POTEF: variants seen among roughly 807,000 people sequenced by gnomAD.
POTEF encodes the protein ANKRD26-like family C member 1B.
In POTEF, 20 loss-of-function variants were observed where a neutral mutation model predicts 83.2. The ratio of observed to expected loss-of-function variants is 0.24; its 90% CI spans 0.17 to 0.35. The LOEUF is 0.35. Ranked by LOEUF, POTEF falls within the 10% of genes least tolerant of loss-of-function variation. The probability of loss-of-function intolerance (pLI) is 1.00; values close to 1 mark genes in which losing one functional copy is unlikely to be tolerated. For synonymous variants in POTEF, 196 were observed against 446.4 expected (o/e 0.44, Z 7.07); for missense variants, 550 against 1,203.2 (o/e 0.46, Z 8.03).
Position 130,075,243 on chromosome 2 carries a change from CATGCCCTGCTGCCTGGGGCGCCCCACG to C in POTEF, c.2202_2228del (p.Ile734_Gly742del). On this transcript the variant is annotated inframe_deletion, in exon 17 of 17. Coordinates refer to ENST00000409914, the MANE Select transcript of POTEF (RefSeq NM_001099771.2). ...ACTCTTTCTGATGCATGCCCCCCAT[CATGCCCTGCTGCCTGGGGCGCCCCACG>C]ATGGAAGGGAAGACAGCCCGGGGGG... The C allele has an allele frequency of 6.2e-7, 1 of 1,612,550 alleles. No homozygotes were observed. The highest frequency in any genetic ancestry group is 8.5e-7 in the Non-Finnish European group (1 of 1,179,952).
chr2:130,119,165 CTTTT>C (rs771733018), intron 3 of POTEF, among the ~76,000 whole-genome samples: 2 of 139,016 alleles, frequency 1.4e-5, no homozygotes, highest in South Asian at 2.3e-4. Flanking sequence ...AAGCTCCCAT[CTTTT>C]TTTTTTTTTT....
intron 3 of POTEF, among the ~76,000 whole-genome samples, chr2:130,117,935 CTTTTTTTTTTCTT>C (rs1684883948): frequency 2.2e-5 from 1 of 45,088 alleles, no homozygotes. Flanking sequence ...TATTTCATTC[CTTTTTTTTTTCTT>C]TTTTTTTTTT....
intron 8 of POTEF, among the ~76,000 whole-genome samples, chr2:130,103,882 G>A (rs1203703878): frequency 7.0e-6 from 1 of 141,886 alleles, no homozygotes; most frequent in Non-Finnish European, 1.5e-5. Context: ...GGCATTGCCA[G>A]CAGCTCAGTA....
In POTEF at chr2:130,108,909, T is replaced by C. The variant is rs562731198; in HGVS notation, c.1056-830A>G. Among the ~76,000 whole-genome samples, 17 of 151,280 alleles carry C rather than the reference T, an allele frequency of 1.1e-4. 2 individuals are homozygous for C. Among genetic ancestry groups the C allele is most frequent in the African/African-American group, 4.2e-4 (17 of 40,824 alleles). ...ATGTCTGTTAGGATAATGCTTTATA[T>C]TGATGTTCAATTCCAGCTGACATGG... On this transcript the variant is annotated intron_variant, in intron 7 of 16. Coordinates refer to ENST00000409914, the MANE Select transcript of POTEF (RefSeq NM_001099771.2).
chr2:130,109,480 T>A (rs2104813608), intron 7 of POTEF: 1 of 148,900 alleles, frequency 6.7e-6, no homozygotes, highest in South Asian at 2.1e-4. Flanking sequence ...GCTCCGATAA[T>A]TTTCATTATC....
chr2:130,126,387 C>T (rs28696073), intron 2 of POTEF, among the ~76,000 whole-genome samples: 560 of 148,610 alleles, frequency 3.8e-3, no homozygotes, highest in African/African-American at 0.014. Context: ...TTAATAATCT[C>T]ATAAATTAGA....
intron 8 of POTEF, among the ~76,000 whole-genome samples, chr2:130,104,506 GCTAAAGGGATT>G (rs1323487086): frequency 6.6e-6 from 1 of 150,672 alleles, no homozygotes; most frequent in Non-Finnish European, 1.5e-5. Flanking sequence ...AAAATGCCCT[GCTAAAGGGATT>G]CTGTTTGGTT....
In POTEF at chr2:130,075,570, A is replaced by C. The variant is rs1178695754; in HGVS notation, c.1902T>G (p.Leu634=). The C allele has an allele frequency of 2.5e-6, 4 of 1,609,008 alleles. No individual in the cohort carries two copies. The highest frequency in any genetic ancestry group is 3.4e-6 in the Non-Finnish European group (4 of 1,179,024). The change falls in exon 17 of 17, where the codon CTT becomes CTG. Residue 634 remains leucine, a splice_region_variant and synonymous_variant. Transcript: ENST00000409914. ...CTTTTTCTTTCTTACAACTAAGAGA[A>C]AGCTAAGTAAACAAAGAGAACTTTT... ...IEVVEKMNSE[L]SLSCKKEKDI...
intron 3 of POTEF, among the ~76,000 whole-genome samples, chr2:130,115,645 G>T (rs1280105917): frequency 6.6e-6 from 1 of 152,150 alleles, no homozygotes; most frequent in Non-Finnish European, 1.5e-5. Flanking sequence ...AATAAAATAG[G>T]AATGAAAATA....
chr2:130,075,102 G>C lies in POTEF; in HGVS notation c.2370C>G (p.Phe790Leu), dbSNP rs1184108038. Residue 790 changes from phenylalanine to leucine, a missense_variant, in exon 17 of 17, where the codon TTC (phenylalanine) becomes TTG (leucine). Physicochemically the swap from Phe to Leu is conservative, Grantham distance 22 (BLOSUM62 0). Transcript: ENST00000409914. Reference sequence around the variant, plus strand: ...CGGGAGCCACACGCAGCTCGTTGTAGAAGGTGTGGTGCCAGATCTTCTCCA... The same window carrying C: ...CGGGAGCCACACGCAGCTCGTTGTACAAGGTGTGGTGCCAGATCTTCTCCA... ...DDMEKIWHHT[F>L]YNELRVAPEE... 2 of 1,613,798 alleles carry C rather than the reference G, an allele frequency of 1.2e-6. No individual in the cohort carries two copies. Among genetic ancestry groups the C allele is most frequent in the Non-Finnish European group, 1.7e-6 (2 of 1,179,970 alleles).
intron 8 of POTEF, among the ~76,000 whole-genome samples, chr2:130,105,494 C>A (rs1162717398): frequency 6.6e-6 from 1 of 151,720 alleles, no homozygotes; most frequent in African/African-American, 2.4e-5. Flanking sequence ...TTCCATCAAT[C>A]CCAGCAAACT....
At position 130,103,747 on chromosome 2, in the gene POTEF, A is replaced by G. The variant is rs1353442217; in HGVS notation, c.1127-1567T>C. Reference sequence around the variant, plus strand: ...TGCCCAAGCAGAGACTTAAATATTGAGACTAGCCAGATTAAAAGGGGTAGA... The same window carrying G: ...TGCCCAAGCAGAGACTTAAATATTGGGACTAGCCAGATTAAAAGGGGTAGA... On this transcript the variant is annotated intron_variant, in intron 8 of 16. Transcript: ENST00000409914. 2.0e-5 allele frequency among the ~76,000 whole-genome samples: 3 copies of G among 148,020 alleles called. No homozygotes were observed. The East Asian group carries it at 5.9e-4, about 29-fold the overall frequency.
In POTEF at chr2:130,075,537, C is replaced by A. The variant is rs1024709541; in HGVS notation, c.1935G>T (p.Leu645Phe). The change falls in exon 17 of 17, where the codon TTG becomes TTT. Residue 645 changes from leucine to phenylalanine, a missense_variant. Coordinates refer to ENST00000409914, the MANE Select transcript of POTEF (RefSeq NM_001099771.2). The stretch of plus-strand genomic sequence containing the variant: ...CTTCCCGCAACGTACTATTTTCATG[C>A]AAGATGTCTTTTTCTTTCTTACAAC... ...SLSCKKEKDILHENSTLREEI... is the reference protein window; with the variant it reads ...SLSCKKEKDIFHENSTLREEI... The A allele has an allele frequency of 6.2e-7, 1 of 1,610,762 alleles. No homozygotes were observed. Among genetic ancestry groups the A allele is most frequent in the Non-Finnish European group, 8.5e-7 (1 of 1,179,636 alleles).
chr2:130,114,067 T>A (rs976826562), intron 5 of POTEF, among the ~76,000 whole-genome samples: 2 of 152,070 alleles, frequency 1.3e-5, no homozygotes, highest in Non-Finnish European at 2.9e-5. Flanking sequence ...TCTACCAGAA[T>A]AGGATACTAA....
rs570590232 is a variant in POTEF at position 130,106,162 on chromosome 2, G to C, written c.1126+1847C>G. On this transcript the variant is annotated intron_variant, in intron 8 of 16. Transcript: ENST00000409914. Reference sequence around the variant, plus strand: ...ATAAAACACTGTCAACAGCACAGCTGAAAGAGGGAAAAGTGGGATCCTAGG... The same window carrying C: ...ATAAAACACTGTCAACAGCACAGCTCAAAGAGGGAAAAGTGGGATCCTAGG... Among the ~76,000 whole-genome samples, 11 of 151,004 alleles carry C rather than the reference G, an allele frequency of 7.3e-5. No homozygotes were observed. The East Asian group carries it at 1.9e-3, about 27-fold the overall frequency.
chr2:130,112,908 C>A (rs558697596), intron 5 of POTEF, among the ~76,000 whole-genome samples: 2 of 151,934 alleles, frequency 1.3e-5, no homozygotes, highest in East Asian at 1.9e-4. Context: ...AATGACTGAA[C>A]AAAGAGACAC....
rs1480991321 is a variant in POTEF, at chr2:130,075,541, A to G, written c.1931T>C (p.Ile644Thr). ...CCGCAACGTACTATTTTCATGCAAG[A>G]TGTCTTTTTCTTTCTTACAACTAAG... The part of the protein sequence containing the change: ...LSLSCKKEKD[I>T]LHENSTLREE... Residue 644 changes from isoleucine to threonine, a missense_variant, in exon 17 of 17, where the codon ATC (isoleucine) becomes ACC (threonine). Physicochemically the swap from Ile to Thr is moderately conservative, Grantham distance 89. Coordinates refer to ENST00000409914, the MANE Select transcript of POTEF (RefSeq NM_001099771.2). 6.2e-7 allele frequency: 1 copy of G among 1,610,830 alleles called. No homozygotes were observed. The highest frequency in any genetic ancestry group is 8.5e-7 in the Non-Finnish European group (1 of 1,179,662).
rs1290335086 is a variant in POTEF, at chr2:130,126,257, C to T, written c.-94+1452G>A. The stretch of plus-strand genomic sequence containing the variant: ...AGCGGAGGTTGCAGTGAGCCGAGAT[C>T]GCCCCATTGCACTCCAGCCTGGGCA... On this transcript the variant is annotated intron_variant, in intron 2 of 16. Transcript: ENST00000409914. Among the ~76,000 whole-genome samples, 9 of 131,412 alleles carry T rather than the reference C, an allele frequency of 6.8e-5. No homozygotes were observed. In the East Asian group the frequency reaches 1.3e-3, roughly 19 times the overall value. 86.2% of individuals were successfully genotyped at this position (131,412 alleles called of 152,430 possible).
At chr2:130,105,229 G>A (rs1397167325) in intron 8 of POTEF, among the ~76,000 whole-genome samples, 2 of 150,290 alleles carry the variant, frequency 1.3e-5, no homozygotes, top group Admixed American at 6.6e-5. Flanking sequence ...TTAAAAAAAA[G>A]CCTGCCAACT....
Sources: allele counts gnomAD v4.1 joint callset (sites outside exome capture counted in the v4.1 genomes callset), GRCh38; gene constraint gnomAD v4.1.1; transcripts MANE v1.5; gene names NCBI Gene and HGNC (gene_info 2026-07-23, HGNC 2026-07-21).